The following VRK2 variants were observed in gnomAD, a reference collection of about 807,000 sequenced individuals.
VRK2 encodes serine/threonine-protein kinase VRK2.
A neutral mutation model predicts 57.6 loss-of-function variants in VRK2; 60 were observed. The observed-to-expected ratio is 1.04, with a 90% CI of 0.85 to 1.29. The LOEUF (loss-of-function observed/expected upper bound fraction) is 1.29. Among genes scored for constraint, VRK2 ranks in the 50% most tolerant of loss-of-function variants. The pLI, the probability that VRK2 is intolerant of heterozygous loss-of-function variation, is 0.00. For missense variants in VRK2, 705 were observed against 588.1 expected (o/e 1.20, Z -2.06); for synonymous variants, 231 against 199.2 (o/e 1.16, Z -1.35).
At chr2:57,990,210 G>A (rs1348426088) in intron 1 of VRK2, among the ~76,000 whole-genome samples, 1 of 152,070 alleles carries the variant, frequency 6.6e-6, no homozygotes, top group Non-Finnish European at 1.5e-5. Flanking sequence ...TTCTGAAAAG[G>A]GGGTAGGAAA....
chr2:57,976,388 T>C (rs956441617), intron 1 of VRK2, among the ~76,000 whole-genome samples: 9 of 152,124 alleles, frequency 5.9e-5, no homozygotes, highest in African/African-American at 1.7e-4. Context: ...AGAGTATAAG[T>C]ATTCCCTTTG....
chr2:57,976,226 T>A (rs1423330481), intron 1 of VRK2, among the ~76,000 whole-genome samples: 1 of 152,278 alleles, frequency 6.6e-6, no homozygotes, highest in African/African-American at 2.4e-5. Context: ...AACATACAAG[T>A]GCATGTGCCT....
At chr2:58,135,812 T>G (rs1679926681) in intron 10 of VRK2, among the ~76,000 whole-genome samples, 1 of 152,202 alleles carries the variant, frequency 6.6e-6, no homozygotes, top group Admixed American at 6.5e-5. Flanking sequence ...CAACTAGTAA[T>G]TACCCACATT....
chr2:58,136,538 C>A (rs896805185), intron 10 of VRK2, among the ~76,000 whole-genome samples: 1 of 151,778 alleles, frequency 6.6e-6, no homozygotes, highest in African/African-American at 2.4e-5. Context: ...ACACGTGCCA[C>A]GATGCCCAGC....
chr2:57,984,169 T>C (rs952939421), intron 1 of VRK2, among the ~76,000 whole-genome samples: 1 of 152,208 alleles, frequency 6.6e-6, no homozygotes, highest in Admixed American at 6.5e-5. Flanking sequence ...TGATGTATTG[T>C]CTAAATTTAA....
At chr2:57,966,693 C>A (rs539084368) in intron 1 of VRK2, among the ~76,000 whole-genome samples, 1 of 147,010 alleles carries the variant, frequency 6.8e-6, no homozygotes, top group African/African-American at 2.5e-5. Flanking sequence ...ATTCTGGAAA[C>A]TTAAAGTAAA....
At chr2:57,971,074 G>T (rs746896649) in intron 1 of VRK2, among the ~76,000 whole-genome samples, 1 of 151,822 alleles carries the variant, frequency 6.6e-6, no homozygotes, top group South Asian at 2.1e-4. Context: ...TAGCATTGGG[G>T]TGCCCAGTTT....
chr2:58,137,242 CATATATATGATATATATGAT>C (rs1336142563), intron 10 of VRK2, among the ~76,000 whole-genome samples: 1 of 119,044 alleles, frequency 8.4e-6, no homozygotes, highest in African/African-American at 3.9e-5. Flanking sequence ...ACATATATAT[CATATATATGATATATATGAT>C]ATATATGTGT....
intron 7 of VRK2, among the ~76,000 whole-genome samples, chr2:58,096,720 C>G (rs527526075): frequency 1.3e-5 from 2 of 151,540 alleles, no homozygotes; most frequent in African/African-American, 4.8e-5. Flanking sequence ...TAATTTCTGA[C>G]TTTTTCTTTA....
intron 1 of VRK2, among the ~76,000 whole-genome samples, chr2:57,908,764 C>A (rs897650544): frequency 6.6e-6 from 1 of 152,034 alleles, no homozygotes; most frequent in African/African-American, 2.4e-5. Flanking sequence ...AAGTTTGTTA[C>A]CTGTTAAATT....
chr2:58,040,811 T>C (rs914852881), intron 3 of VRK2, among the ~76,000 whole-genome samples: 2 of 152,302 alleles, frequency 1.3e-5, no homozygotes, highest in South Asian at 4.1e-4. Context: ...ACATCTGAGA[T>C]AGTCATTGGG....
chr2:58,013,791 G>A (rs1402226226), intron 1 of VRK2, among the ~76,000 whole-genome samples: 2 of 148,602 alleles, frequency 1.3e-5, no homozygotes, highest in Non-Finnish European at 3.0e-5. Flanking sequence ...CCCGGAAGGC[G>A]GAGCTTGCAG....
intron 7 of VRK2, among the ~76,000 whole-genome samples, chr2:58,118,176 A>G (rs546633655): frequency 2.3e-4 from 35 of 152,198 alleles, no homozygotes; most frequent in African/African-American, 8.2e-4. Context: ...CCAGAAAAGC[A>G]GAGAAGGGGT....
chr2:57,949,189 A>G (rs1490050962), intron 1 of VRK2, among the ~76,000 whole-genome samples: 1 of 152,126 alleles, frequency 6.6e-6, no homozygotes, highest in African/African-American at 2.4e-5. Context: ...GTCAAGAACA[A>G]TTTTCTGCAA....
At chr2:58,022,612 A>C (rs1469376293) in intron 1 of VRK2, among the ~76,000 whole-genome samples, 1 of 152,236 alleles carries the variant, frequency 6.6e-6, no homozygotes, top group Non-Finnish European at 1.5e-5. Context: ...ACGATGGCTC[A>C]CGCCTGCAAC....
chr2:57,999,404 C>T (rs551943160), intron 1 of VRK2, among the ~76,000 whole-genome samples: 21 of 152,070 alleles, frequency 1.4e-4, no homozygotes, highest in African/African-American at 4.1e-4. Flanking sequence ...CATGTATGCA[C>T]GTAATGTTAA....
At chr2:58,063,132 G>C (rs1005456569) in intron 2 of VRK2, among the ~76,000 whole-genome samples, 1 of 151,266 alleles carries the variant, frequency 6.6e-6, no homozygotes, top group South Asian at 2.1e-4. Flanking sequence ...GAACAACAAA[G>C]CCTGGATGAC....
At chr2:58,144,468 A>T (rs1230576124) in intron 11 of VRK2, among the ~76,000 whole-genome samples, 7 of 152,030 alleles carry the variant, frequency 4.6e-5, no homozygotes, top group Non-Finnish European at 4.4e-5. Context: ...TTTGCAATGT[A>T]TACATGTATC....
intron 1 of VRK2, among the ~76,000 whole-genome samples, chr2:57,956,646 ACT>A (rs1199125219): frequency 6.6e-6 from 1 of 152,182 alleles, no homozygotes; most frequent in Non-Finnish European, 1.5e-5. Flanking sequence ...GAAGAACCAT[ACT>A]TAGTTCCAAT....
Sources: gnomAD v4.1 joint callset for allele counts (sites outside exome capture counted in the v4.1 genomes callset) on GRCh38, gnomAD v4.1.1 for gene constraint, MANE v1.5 for transcripts, NCBI Gene and HGNC (gene_info 2026-07-23, HGNC 2026-07-21) for gene names.